Variants in MGAM2 observed in about 807,000 individuals in gnomAD.
MGAM2 encodes the protein probable maltase-glucoamylase 2.
In MGAM2, 98 loss-of-function variants were observed where a neutral mutation model predicts 96.1. The ratio of observed to expected loss-of-function variants is 1.02; its 90% CI spans 0.87 to 1.21. MGAM2 has a LOEUF of 1.21. Ranked by LOEUF, MGAM2 falls within the 50% of genes most tolerant of loss-of-function variation. MGAM2 has a pLI of 0.00. For missense variants in MGAM2, 2,055 were observed against 1,182.4 expected, an observed-to-expected ratio of 1.74 and a Z score of -10.82; for synonymous variants, 749 against 414.8, an observed-to-expected ratio of 1.81 and a Z score of -9.79.
chr7:142,215,708 A>G (rs1797737795), intron 46 of MGAM2, among the ~76,000 whole-genome samples: 1 of 149,280 alleles, frequency 6.7e-6, no homozygotes, highest in Non-Finnish European at 1.5e-5. Flanking sequence ...TGGTGAGCCG[A>G]GATCGCGCCA....
In MGAM2 at chr7:142,221,779, A is replaced by G; in HGVS notation, c.7268A>G (p.Asn2423Ser). ...LGTMDITDAD[N>S]SSSVTGNTTH... Reference sequence around the variant, plus strand: ...ACCATGGATATTACTGATGCAGATAACTCCAGCAGTGTTACAGGTAACACG... The same window carrying G: ...ACCATGGATATTACTGATGCAGATAGCTCCAGCAGTGTTACAGGTAACACG... Residue 2423 changes from asparagine (N) to serine (S), a missense_variant, in exon 48 of 48, where the codon AAC becomes AGC. Physicochemically the swap from Asn to Ser is conservative, Grantham distance 46. Coordinates refer to ENST00000477922, the MANE Select transcript of MGAM2 (RefSeq NM_001293626.2). 1 of 403,364 alleles carries G rather than the reference A, an allele frequency of 2.5e-6. No homozygotes were observed. Among genetic ancestry groups the G allele is most frequent in the South Asian group, 1.2e-4 (1 of 8,368 alleles). The allele number at this position is 403,364 out of a possible 1,614,324, so 25.0% of individuals were successfully genotyped here. A position where few individuals can be genotyped will look rare whatever the true frequency, so the allele number is the denominator to read the frequency against.
At chr7:142,187,660 CA>C in intron 35 of MGAM2, 89 bp from the exon 36 acceptor site, 1 of 645,464 alleles carries the variant, frequency 1.5e-6, no homozygotes, top group East Asian at 2.7e-5. Context: ...CTGAGGGCTT[CA>C]AAAGTCATCT....
intron 3 of MGAM2, among the ~76,000 whole-genome samples, chr7:142,129,376 G>A (rs1794816920): frequency 6.6e-6 from 1 of 152,090 alleles, no homozygotes; most frequent in Non-Finnish European, 1.5e-5. Context: ...AAACTTTAAG[G>A]GACTATTGGA....
intron 28 of MGAM2, among the ~76,000 whole-genome samples, chr7:142,171,776 TACATTTAATAAG>T (rs1796203579): frequency 6.6e-6 from 1 of 150,760 alleles, no homozygotes; most frequent in South Asian, 2.1e-4. Context: ...TGCTTATCTG[TACATTTAATAAG>T]ACACTGTCTT....
intron 23 of MGAM2, 51 bp downstream of exon 23, chr7:142,162,055 C>T (rs554023205): frequency 1.2e-3 from 772 of 648,926 alleles, no homozygotes; most frequent in Non-Finnish European, 1.8e-3. Flanking sequence ...GCTGGGAAGG[C>T]TCTTTGAGTT....
At chr7:142,201,186 C>T (rs1797218843) in intron 45 of MGAM2, among the ~76,000 whole-genome samples, 1 of 145,680 alleles carries the variant, frequency 6.9e-6, no homozygotes, top group Non-Finnish European at 1.5e-5. Flanking sequence ...TCTCCTGGCT[C>T]AGCCTTCCCG....
At chr7:142,126,183 A>G (rs1794728919) in intron 3 of MGAM2, among the ~76,000 whole-genome samples, 1 of 152,012 alleles carries the variant, frequency 6.6e-6, no homozygotes, top group Non-Finnish European at 1.5e-5. Flanking sequence ...ATATTTTTTA[A>G]TTTGGAACCA....
At position 142,164,977 on chromosome 7, in the gene MGAM2, A is replaced by G. The variant is rs185647435; in HGVS notation, c.2606A>G (p.Asn869Ser). 2.8e-6 allele frequency: 2 copies of G among 702,698 alleles called. No individual in the cohort carries two copies. Among genetic ancestry groups the G allele is most frequent in the Non-Finnish European group, 5.2e-6 (2 of 384,846 alleles). The allele number at this position is 702,698 out of a possible 1,614,324, so 43.5% of individuals were successfully genotyped here. A position where few individuals can be genotyped will look rare whatever the true frequency, so the allele number is the denominator to read the frequency against. ...QPANFIVLLN[N>S]VATSSPSVVY... Reference sequence around the variant, plus strand: ...GCTAATTTTATCGTCCTACTGAATAATGTTGCCACCTCCAGTCCAAGCGTT... The same window carrying G: ...GCTAATTTTATCGTCCTACTGAATAGTGTTGCCACCTCCAGTCCAAGCGTT... The change falls in exon 24 of 48, where the codon AAT becomes AGT. Residue 869 changes from asparagine to serine, a missense_variant. Transcript: ENST00000477922.
At chr7:142,151,554 T>C (rs576483222) in intron 15 of MGAM2, among the ~76,000 whole-genome samples, 131 of 152,272 alleles carry the variant, frequency 8.6e-4, no homozygotes, top group African/African-American at 3.1e-3. Flanking sequence ...CCTGTTCTGA[T>C]ATAGTTTTAT....
At chr7:142,166,657 T>C (rs1220978268) in intron 25 of MGAM2, among the ~76,000 whole-genome samples, 1 of 152,094 alleles carries the variant, frequency 6.6e-6, no homozygotes, top group Non-Finnish European at 1.5e-5. Context: ...TGGGAGGCAA[T>C]AAGAACACTG....
chr7:142,162,105 C>T lies in MGAM2; in HGVS notation c.2484+101C>T, dbSNP rs986633115. ...GACACATGGTTATGTGCAGCAGAGA[C>T]AGGGTTTTACTGTCATGATTCCAAA... On this transcript the variant is annotated intron_variant, in intron 23 of 47. Coordinates refer to ENST00000477922, the MANE Select transcript of MGAM2 (RefSeq NM_001293626.2). 2.9e-5 allele frequency: 15 copies of T among 519,546 alleles called. No homozygotes were observed. In the East Asian group the frequency reaches 3.3e-4, roughly 11 times the overall value. 32.2% of individuals were successfully genotyped at this position (519,546 alleles called of 1,614,324 possible).
In MGAM2 at chr7:142,218,452, C is replaced by A; in HGVS notation, c.5279C>A (p.Thr1760Asn). 1.4e-6 allele frequency: 1 copy of A among 702,274 alleles called. No individual in the cohort carries two copies. Among genetic ancestry groups the A allele is most frequent in the Non-Finnish European group, 2.6e-6 (1 of 384,778 alleles). 43.5% of individuals were successfully genotyped at this position (702,274 alleles called of 1,614,324 possible). The change falls in exon 47 of 48, where the codon ACC (threonine) becomes AAC (asparagine). Residue 1760 changes from threonine to asparagine, a missense_variant. Physicochemically the swap from Thr to Asn is moderately conservative, Grantham distance 65. Transcript: ENST00000477922. ...VGYIRIWGVN[T>N]YVTQVSFTYD... ...TATATTAGAATCTGGGGTGTGAATA[C>A]CTATGTGACACAAGTCAGTTTCACC... is the stretch of plus-strand genomic sequence containing the variant.
In MGAM2 at chr7:142,189,444, C is replaced by G. The variant is rs76437729; in HGVS notation, c.4285C>G (p.Pro1429Ala). ...TCAGCAGATCCTGCCGGACAGCTCC[C>G]CCGTGGAGCACTACAACGTGCACAA... ...ESQQILPDSS[P>A]VEHYNVHNLY... The change falls in exon 37 of 48, where the codon CCC (proline) becomes GCC (alanine). Residue 1429 changes from proline (P) to alanine (A), a missense_variant. Pro to Ala is a conservative substitution (Grantham distance 27). Transcript: ENST00000477922. 0.025 allele frequency: 19,622 copies of G among 797,588 alleles called. 1,455 individuals carry two copies. Among genetic ancestry groups the G allele is most frequent in the East Asian group, 0.18 (6,734 of 37,522 alleles). 49.4% of individuals were successfully genotyped at this position (797,588 alleles called of 1,614,324 possible).
At chr7:142,189,674 G>T (rs1016596218) in intron 37 of MGAM2, among the ~76,000 whole-genome samples, 169 bp downstream of exon 37, 2 of 152,212 alleles carry the variant, frequency 1.3e-5, no homozygotes, top group Admixed American at 1.3e-4. Flanking sequence ...TATCAAGTGG[G>T]TTACTAAATT....
At chr7:142,163,930 T>A (rs563958333) in intron 23 of MGAM2, among the ~76,000 whole-genome samples, 2 of 152,330 alleles carry the variant, frequency 1.3e-5, no homozygotes, top group East Asian at 3.9e-4. Flanking sequence ...TTATTTTCCT[T>A]ATAGATTGTG....
At chr7:142,213,015 T>C (rs1386266885) in intron 46 of MGAM2, among the ~76,000 whole-genome samples, 1 of 152,054 alleles carries the variant, frequency 6.6e-6, no homozygotes, top group Non-Finnish European at 1.5e-5. Flanking sequence ...AAATTAGAAT[T>C]CAGGATTAAG....
chr7:142,145,623 A>G (rs1334259601), intron 14 of MGAM2, among the ~76,000 whole-genome samples: 4 of 152,214 alleles, frequency 2.6e-5, no homozygotes, highest in Admixed American at 1.3e-4. Flanking sequence ...GATTAACACA[A>G]TAATCGTTTA....
At position 142,195,345 on chromosome 7, in the gene MGAM2, C is replaced by CTT. The variant is rs1013124747; in HGVS notation, c.4347-782_4347-781dup. ...TTCTGTGCCTGGCCTCCTTTTTACT[C>CTT]TTTTTTTTTTTTTTTTTTTTTTTTT... On this transcript the variant is annotated intron_variant, in intron 37 of 47. Coordinates refer to ENST00000477922, the MANE Select transcript of MGAM2 (RefSeq NM_001293626.2). Among the ~76,000 whole-genome samples, 464 of 70,020 alleles carry CTT rather than the reference C, an allele frequency of 6.6e-3. 62 individuals are homozygous for CTT. Among genetic ancestry groups the CTT allele is most frequent in the East Asian group, 0.044 (86 of 1,958 alleles). The allele number at this position is 70,020 out of a possible 152,430, so 45.9% of individuals were successfully genotyped here.
In MGAM2 at chr7:142,168,119, G is replaced by T. The variant is rs531135845; in HGVS notation, c.3027+633G>T. Among the ~76,000 whole-genome samples, 132 of 152,186 alleles carry T rather than the reference G, an allele frequency of 8.7e-4. 1 individual carries two copies. The highest frequency in any genetic ancestry group is 1.7e-3 in the Non-Finnish European group (113 of 68,012). Reference sequence around the variant, plus strand: ...AGGCATTAACTTAATTCTAATATTAGAATTATTTTCTCTAGCAGTAGTTCT... The same window carrying T: ...AGGCATTAACTTAATTCTAATATTATAATTATTTTCTCTAGCAGTAGTTCT... On this transcript the variant is annotated intron_variant, in intron 26 of 47. Transcript: ENST00000477922.
Sources: allele counts gnomAD v4.1 joint callset (sites outside exome capture counted in the v4.1 genomes callset), GRCh38; gene constraint gnomAD v4.1.1; transcripts MANE v1.5; gene names NCBI Gene and HGNC (gene_info 2026-07-23, HGNC 2026-07-21).